DNAJC6: variants seen among roughly 807,000 people sequenced by gnomAD.
DNAJC6 encodes the protein DnaJ heat shock protein family (Hsp40) member C6, also known as auxilin.
In DNAJC6, 34 loss-of-function variants were observed where a neutral mutation model predicts 110.0. That is an observed-to-expected ratio of 0.31 (90% CI 0.24 to 0.41). The LOEUF is 0.41. DNAJC6 is among the 10% of genes least tolerant of loss of function. DNAJC6 has a pLI of 1.00. For missense variants in DNAJC6, 1,031 were observed against 1,207.8 expected, an observed-to-expected ratio of 0.85 and a Z score of 2.17; for synonymous variants, 406 against 437.2, an observed-to-expected ratio of 0.93 and a Z score of 0.89.
At chr1:65,325,435 C>T (rs548506197) in intron 1 of DNAJC6, among the ~76,000 whole-genome samples, 2 of 152,162 alleles carry the variant, frequency 1.3e-5, no homozygotes, top group Non-Finnish European at 2.9e-5. Flanking sequence ...GATTTAGCCT[C>T]TTGCTTTAGG....
intron 1 of DNAJC6, among the ~76,000 whole-genome samples, chr1:65,333,619 C>T (rs1186546326): frequency 6.6e-6 from 1 of 152,058 alleles, no homozygotes; most frequent in African/African-American, 2.4e-5. Context: ...AACATGATAG[C>T]TTTAAAACCT....
intron 1 of DNAJC6, among the ~76,000 whole-genome samples, chr1:65,332,404 T>C (rs1260674206): frequency 6.6e-6 from 1 of 152,192 alleles, no homozygotes; most frequent in East Asian, 1.9e-4. Context: ...AGCAGGATGA[T>C]AGCAAAAGCA....
At chr1:65,367,358 A>G (rs1031339683) in intron 4 of DNAJC6, among the ~76,000 whole-genome samples, 1 of 152,206 alleles carries the variant, frequency 6.6e-6, no homozygotes, top group African/African-American at 2.4e-5. Context: ...TATAATGAAG[A>G]TTTTAAATGC....
rs1276710679 is a variant in DNAJC6, at chr1:65,413,049, T to C, written c.*24T>C. 1.9e-6 allele frequency: 3 copies of C among 1,600,320 alleles called. No individual in the cohort carries two copies. Among genetic ancestry groups the C allele is most frequent in the Non-Finnish European group, 2.6e-6 (3 of 1,168,536 alleles). ...AATTTATGAGCTTTTCCATCTCTGC[T>C]GCAGACCTGTGCTAATGCTTAGTGT... On this transcript the variant is annotated 3_prime_UTR_variant, in exon 19 of 19. Transcript: ENST00000371069.
rs769173626 is a variant in DNAJC6 at position 65,411,325 on chromosome 1, G to A, written c.2710G>A (p.Gly904Arg). 1 of 1,614,154 alleles carries A rather than the reference G, an allele frequency of 6.2e-7. No individual in the cohort carries two copies. The highest frequency in any genetic ancestry group is 2.2e-5 in the East Asian group (1 of 44,880). The change falls in exon 18 of 19, where the codon GGG (glycine) becomes AGG (arginine). Residue 904 changes from glycine to arginine, a missense_variant. By Grantham distance (125) the Gly-to-Arg change is moderately radical. Coordinates refer to ENST00000371069, the MANE Select transcript of DNAJC6 (RefSeq NM_001256864.2). Reference protein sequence around the residue: ...LSTMHTVLWAGETKWKPVGMA... With the variant: ...LSTMHTVLWARETKWKPVGMA... ...CACGATGCATACCGTACTATGGGCT[G>A]GGGAGACCAAGTGGAAACCAGTTGG...
chr1:65,371,131 C>G lies in DNAJC6; in HGVS notation c.543+4935C>G, dbSNP rs191910597. ...CAGCCATCACTTGAAGCTGTAACCA[C>G]TCTACAAATGCAAGGTGGAGTTATT... On this transcript the variant is annotated intron_variant, in intron 4 of 18. Coordinates refer to ENST00000371069, the MANE Select transcript of DNAJC6 (RefSeq NM_001256864.2). 1.1e-3 allele frequency among the ~76,000 whole-genome samples: 172 copies of G among 152,352 alleles called. 1 individual carries two copies. The highest frequency in any genetic ancestry group is 3.8e-3 in the African/African-American group (160 of 41,576).
intron 8 of DNAJC6, 75 bp downstream of exon 8, chr1:65,387,004 C>A: frequency 7.8e-7 from 1 of 1,278,350 alleles, no homozygotes; most frequent in Non-Finnish European, 1.1e-6. Context: ...CTTTTCTCCC[C>A]ATCACTTTGG....
intron 1 of DNAJC6, among the ~76,000 whole-genome samples, chr1:65,312,936 A>G (rs918010725): frequency 3.3e-5 from 5 of 152,166 alleles, no homozygotes; most frequent in African/African-American, 7.2e-5. Flanking sequence ...AGTAGCTGGG[A>G]TTACAGGCGT....
chr1:65,309,965 G>C, intron 1 of DNAJC6, 27 bp downstream of exon 1: 1 of 1,378,412 alleles, frequency 7.3e-7, no homozygotes, highest in South Asian at 1.7e-5. Flanking sequence ...GGAGTGCAGC[G>C]CTGAGCCCCG....
chr1:65,344,374 ACACCC>A (rs1645417647), intron 1 of DNAJC6, among the ~76,000 whole-genome samples: 9 of 152,176 alleles, frequency 5.9e-5, no homozygotes, highest in Non-Finnish European at 1.0e-4. Context: ...AGGTTGCATC[ACACCC>A]TTGAGCATGA....
chr1:65,356,304 G>GCT (rs1645542722), intron 1 of DNAJC6, among the ~76,000 whole-genome samples: 1 of 152,042 alleles, frequency 6.6e-6, no homozygotes, highest in Non-Finnish European at 1.5e-5. Context: ...AGGCATGGTG[G>GCT]CTCATAACTG....
At chr1:65,330,537 C>T (rs947818078) in intron 1 of DNAJC6, among the ~76,000 whole-genome samples, 3 of 151,990 alleles carry the variant, frequency 2.0e-5, no homozygotes, top group Non-Finnish European at 4.4e-5. Context: ...GGCCCAATTT[C>T]GGCTCACCGC....
chr1:65,280,979 A>T (rs1251808931), intron 1 of DNAJC6, among the ~76,000 whole-genome samples: 1 of 152,200 alleles, frequency 6.6e-6, no homozygotes, highest in Non-Finnish European at 1.5e-5. Context: ...TCTATCACCC[A>T]GGCTGGAGTG....
rs1054873246 is a variant in DNAJC6 at position 65,368,030 on chromosome 1, T to C, written c.543+1834T>C. Among the ~76,000 whole-genome samples the C allele has an allele frequency of 4.1e-4, 63 of 152,038 alleles. 1 individual carries two copies. Among genetic ancestry groups the C allele is most frequent in the African/African-American group, 1.4e-3 (56 of 41,476 alleles). On this transcript the variant is annotated intron_variant, in intron 4 of 18. Transcript: ENST00000371069. ...CCTCCCCAAAAATAAAAAATAAAAA[T>C]AAAAAAGCATGAATGTGGAAAGAAT... is the stretch of plus-strand genomic sequence containing the variant.
chr1:65,327,443 A>G (rs1014764306), intron 1 of DNAJC6, among the ~76,000 whole-genome samples: 1 of 152,206 alleles, frequency 6.6e-6, no homozygotes, highest in African/African-American at 2.4e-5. Context: ...TGATTCTACA[A>G]GGTCAAAAGT....
At chr1:65,408,874 C>A in intron 17 of DNAJC6, 91 bp downstream of exon 17, 1 of 1,461,264 alleles carries the variant, frequency 6.8e-7, no homozygotes, top group Non-Finnish European at 9.2e-7. Context: ...ATGAGAGTAA[C>A]CTATTGTCTT....
intron 1 of DNAJC6, among the ~76,000 whole-genome samples, chr1:65,287,308 A>C (rs954632806): frequency 2.0e-5 from 3 of 152,222 alleles, no homozygotes; most frequent in African/African-American, 7.2e-5. Context: ...TGAGGGGATA[A>C]TGAGCTTATA....
rs1185068893 is a variant in DNAJC6, at chr1:65,413,934, C to G, written c.*909C>G. 1 of 152,152 alleles carries G rather than the reference C, an allele frequency of 6.6e-6. No individual in the cohort carries two copies. Among genetic ancestry groups the G allele is most frequent in the Non-Finnish European group, 1.5e-5 (1 of 68,034 alleles). The allele number at this position is 152,152 out of a possible 1,614,324, so 9.4% of individuals were successfully genotyped here. On this transcript the variant is annotated 3_prime_UTR_variant, in exon 19 of 19. Transcript: ENST00000371069. ...GTAAAGTAGTTTGGCCTGTTCACAA[C>G]TTATCAGGACCAATATCTAGTGTGG...
chr1:65,357,131 C>A (rs1429043226), intron 1 of DNAJC6, among the ~76,000 whole-genome samples: 1 of 152,176 alleles, frequency 6.6e-6, no homozygotes, highest in Non-Finnish European at 1.5e-5. Flanking sequence ...TGGGGCATCT[C>A]TACAGAGTCA....
Sources: allele counts gnomAD v4.1 joint callset (sites outside exome capture counted in the v4.1 genomes callset), GRCh38; gene constraint gnomAD v4.1.1; transcripts MANE v1.5; gene names NCBI Gene and HGNC (gene_info 2026-07-23, HGNC 2026-07-21).